The following CPED1 variants were observed in gnomAD, a reference collection of about 807,000 sequenced individuals.
CPED1 encodes the protein cadherin-like and PC-esterase domain-containing protein 1.
CPED1 carries 114 observed loss-of-function variants against 128.2 expected under a neutral mutation model. The ratio of observed to expected loss-of-function variants is 0.89; its 90% CI spans 0.76 to 1.04. The LOEUF is 1.04. CPED1 is among the 50% of genes least tolerant of loss of function. The probability of loss-of-function intolerance (pLI) is 0.00; values close to 1 mark genes in which losing one functional copy is unlikely to be tolerated. For synonymous variants in CPED1, 462 were observed against 426.7 expected (o/e 1.08, Z -1.02); for missense variants, 1,211 against 1,207.1 (o/e 1.00, Z -0.05).
chr7:121,146,746 T>C (rs538710254), intron 16 of CPED1, among the ~76,000 whole-genome samples: 1 of 152,204 alleles, frequency 6.6e-6, no homozygotes, highest in Non-Finnish European at 1.5e-5. Flanking sequence ...TTAATGCCTG[T>C]ATTTTAGTTA....
intron 16 of CPED1, among the ~76,000 whole-genome samples, chr7:121,226,031 A>G (rs968786157): frequency 1.3e-5 from 2 of 152,090 alleles, no homozygotes; most frequent in Non-Finnish European, 2.9e-5. Context: ...GCTGACGAGG[A>G]ACTGTGATCC....
intron 5 of CPED1, among the ~76,000 whole-genome samples, chr7:121,084,988 G>A (rs1043236359): frequency 2.6e-5 from 4 of 152,186 alleles, no homozygotes; most frequent in Non-Finnish European, 5.9e-5. Flanking sequence ...GCTCATCGTA[G>A]TGACGGCCCC....
At chr7:121,264,763 C>T (rs4731009) in intron 18 of CPED1, among the ~76,000 whole-genome samples, 57,826 of 151,802 alleles carry the variant, frequency 0.38, 11,437 homozygotes, top group Middle Eastern at 0.48. Context: ...AGAAAAAGAC[C>T]GAAGAATGAA....
chr7:121,249,328 C>G (rs1463995825), intron 18 of CPED1, among the ~76,000 whole-genome samples: 3 of 152,042 alleles, frequency 2.0e-5, no homozygotes, highest in Non-Finnish European at 4.4e-5. Context: ...ATGGAGAACT[C>G]CAGCTATATG....
chr7:121,089,172 C>T (rs1035141780), intron 5 of CPED1, among the ~76,000 whole-genome samples: 1 of 152,184 alleles, frequency 6.6e-6, no homozygotes, highest in Non-Finnish European at 1.5e-5. Flanking sequence ...AACATCTTTT[C>T]TGACATATTT....
intron 7 of CPED1, among the ~76,000 whole-genome samples, chr7:121,110,749 G>C (rs1795089167): frequency 6.6e-6 from 1 of 152,138 alleles, no homozygotes; most frequent in Non-Finnish European, 1.5e-5. Context: ...TAGTGAACAG[G>C]AGGCTATCAT....
At position 121,140,828 on chromosome 7, in the gene CPED1, TGA is replaced by T. The variant is rs1329365027; in HGVS notation, c.1702_1703del (p.Glu568LysfsTer20). 1 of 1,607,728 alleles carries T rather than the reference TGA, an allele frequency of 6.2e-7. No homozygotes were observed. Among genetic ancestry groups the T allele is most frequent in the Admixed American group, 1.7e-5 (1 of 58,732 alleles). On this transcript the variant is annotated frameshift_variant and splice_region_variant, in exon 15 of 23. Coordinates refer to ENST00000310396, the MANE Select transcript of CPED1 (RefSeq NM_024913.5). LOFTEE classifies it high-confidence loss of function. ...TCATTGTTTTTGTTTTTTTAACAGA[TGA>T]AAACACACCATGTCATATCAAGCAG... is the stretch of plus-strand genomic sequence containing the variant. ...ENKEIHCSDD[E>X]NTPCHIKQIF...
chr7:121,276,795 G>A (rs568982402), intron 22 of CPED1, among the ~76,000 whole-genome samples: 27 of 152,248 alleles, frequency 1.8e-4, no homozygotes, highest in African/African-American at 5.8e-4. Context: ...AGGCAATCCT[G>A]TATATAGTAG....
At chr7:121,212,212 A>G (rs1385523051) in intron 16 of CPED1, among the ~76,000 whole-genome samples, 1 of 152,024 alleles carries the variant, frequency 6.6e-6, no homozygotes, top group African/African-American at 2.4e-5. Flanking sequence ...CAGTCCCCAA[A>G]TGCAACTAGA....
At chr7:121,093,351 A>G (rs750647450) in intron 5 of CPED1, among the ~76,000 whole-genome samples, 1 of 151,514 alleles carries the variant, frequency 6.6e-6, no homozygotes, top group Admixed American at 6.6e-5. Context: ...TGCCACATCT[A>G]AATGCTCTTA....
intron 5 of CPED1, among the ~76,000 whole-genome samples, chr7:121,065,468 T>C (rs1017477541): frequency 1.3e-5 from 2 of 152,144 alleles, no homozygotes; most frequent in African/African-American, 4.8e-5. Context: ...AGAAATTCTT[T>C]AGAAAAGGCA....
At chr7:121,005,661 A>G (rs1281967933) in intron 2 of CPED1, among the ~76,000 whole-genome samples, 1 of 152,168 alleles carries the variant, frequency 6.6e-6, no homozygotes, top group Non-Finnish European at 1.5e-5. Context: ...AAAAATTTAG[A>G]AACGAACAAA....
At chr7:121,119,314 C>T (rs1172639494) in intron 7 of CPED1, among the ~76,000 whole-genome samples, 1 of 150,122 alleles carries the variant, frequency 6.7e-6, no homozygotes, top group East Asian at 2.0e-4. Context: ...ACTGCAAGCT[C>T]CGCCTCCCGG....
intron 5 of CPED1, among the ~76,000 whole-genome samples, chr7:121,088,638 G>A (rs1368992881): frequency 6.8e-6 from 1 of 146,330 alleles, no homozygotes; most frequent in Non-Finnish European, 1.5e-5. Context: ...CAGCCTGGGC[G>A]ACGGTGCGAG....
intron 16 of CPED1, among the ~76,000 whole-genome samples, chr7:121,164,081 G>A (rs1386249495): frequency 6.6e-6 from 1 of 152,184 alleles, no homozygotes; most frequent in African/African-American, 2.4e-5. Context: ...TAAATATTAA[G>A]GAACAAAAGC....
chr7:121,273,557 G>GTT (rs1270047115), intron 22 of CPED1, among the ~76,000 whole-genome samples: 1 of 151,902 alleles, frequency 6.6e-6, no homozygotes, highest in African/African-American at 2.4e-5. Flanking sequence ...GGTCCCAAGA[G>GTT]TTTTACCAAT....
At chr7:121,154,671 G>A (rs1563048045) in intron 16 of CPED1, among the ~76,000 whole-genome samples, 1 of 151,956 alleles carries the variant, frequency 6.6e-6, no homozygotes, top group Admixed American at 6.6e-5. Flanking sequence ...TCAGCCTCCT[G>A]AGTAGCTGGG....
Position 121,142,032 on chromosome 7 carries a change from A to C in CPED1, c.1946A>C (p.Glu649Ala). 6.2e-7 allele frequency: 1 copy of C among 1,612,798 alleles called. No homozygotes were observed. Among genetic ancestry groups the C allele is most frequent in the Non-Finnish European group, 8.5e-7 (1 of 1,179,102 alleles). Residue 649 changes from glutamate to alanine, a missense_variant, in exon 16 of 23, where the codon GAA (glutamate) becomes GCA (alanine). Physicochemically the swap from Glu to Ala is moderately radical, Grantham distance 107 (BLOSUM62 -1). Transcript: ENST00000310396. The stretch of plus-strand genomic sequence containing the variant: ...AAAATCTCAATATTTGTTGTGGATG[A>C]ATCTCCAGCACACGGTGAGACTCTG... ...MNKISIFVVD[E>A]SPAHGETLIT...
At chr7:121,155,843 A>G (rs770638670) in intron 16 of CPED1, among the ~76,000 whole-genome samples, 21 of 152,268 alleles carry the variant, frequency 1.4e-4, no homozygotes, top group Non-Finnish European at 3.1e-4. Flanking sequence ...CCAAAGCAAA[A>G]TTAGACAATC....
Sources: gnomAD v4.1 joint callset for allele counts (sites outside exome capture counted in the v4.1 genomes callset) on GRCh38, gnomAD v4.1.1 for gene constraint, MANE v1.5 for transcripts, NCBI Gene and HGNC (gene_info 2026-07-23, HGNC 2026-07-21) for gene names.